The following WWOX variants were observed in gnomAD, a reference collection of about 807,000 sequenced individuals.
WWOX encodes WW domain-containing oxidoreductase.
WWOX carries 69 observed loss-of-function variants against 46.2 expected under a neutral mutation model. That is an observed-to-expected ratio of 1.49 (90% CI 1.23 to 1.82). WWOX has a LOEUF of 1.82. Ranked by LOEUF, WWOX falls within the 40% of genes most tolerant of loss-of-function variation. The pLI, the probability that WWOX is intolerant of heterozygous loss-of-function variation, is 0.00. For missense variants in WWOX, 919 were observed against 542.6 expected (o/e 1.69, Z -6.89); for synonymous variants, 359 against 202.6 (o/e 1.77, Z -6.56).
intron 4 of WWOX, among the ~76,000 whole-genome samples, chr16:78,127,176 C>A (rs1406574217): frequency 6.6e-6 from 1 of 152,118 alleles, no homozygotes; most frequent in Non-Finnish European, 1.5e-5. Context: ...CACCTCTGTG[C>A]AATATGGACA....
intron 8 of WWOX, among the ~76,000 whole-genome samples, chr16:78,820,273 A>G (rs1416587455): frequency 6.6e-6 from 1 of 152,226 alleles, no homozygotes. Context: ...TTGCAGTACC[A>G]GAATGTCCTT....
intron 8 of WWOX, among the ~76,000 whole-genome samples, chr16:79,062,228 G>T (rs2048369152): frequency 6.6e-6 from 1 of 152,164 alleles, no homozygotes; most frequent in South Asian, 2.1e-4. Context: ...GTATCTTACA[G>T]TTTAAAACCA....
intron 8 of WWOX, among the ~76,000 whole-genome samples, chr16:78,776,726 A>T (rs1219810780): frequency 6.6e-6 from 1 of 152,170 alleles, no homozygotes; most frequent in Non-Finnish European, 1.5e-5. Flanking sequence ...CAGAAAACTT[A>T]CGATCATGGT....
rs56280651 is a variant in WWOX, at chr16:78,768,279, T to TAA, written c.1056+335547_1056+335548dup. Among the ~76,000 whole-genome samples, 438 of 91,946 alleles carry TAA rather than the reference T, an allele frequency of 4.8e-3. 3 individuals are homozygous for TAA. Among genetic ancestry groups the TAA allele is most frequent in the African/African-American group, 6.1e-3 (153 of 24,980 alleles). 60.3% of individuals were successfully genotyped at this position (91,946 alleles called of 152,430 possible). A position where few individuals can be genotyped will look rare whatever the true frequency, so the allele number is the denominator to read the frequency against. On this transcript the variant is annotated intron_variant, in intron 8 of 8. Coordinates refer to ENST00000566780, the MANE Select transcript of WWOX (RefSeq NM_016373.4). ...GCAAGCCAAAAAGTGATAGATGAGT[T>TAA]AAAAAAAAAAAAAAAAAAAAAGTTG... is the stretch of plus-strand genomic sequence containing the variant.
At chr16:78,501,825 A>G (rs532001011) in intron 8 of WWOX, among the ~76,000 whole-genome samples, 2 of 152,136 alleles carry the variant, frequency 1.3e-5, no homozygotes, top group African/African-American at 2.4e-5. Flanking sequence ...AAGTTACGTG[A>G]AACTAGCGAT....
At chr16:79,003,969 A>G (rs564862011) in intron 8 of WWOX, among the ~76,000 whole-genome samples, 5 of 152,296 alleles carry the variant, frequency 3.3e-5, no homozygotes, top group African/African-American at 1.2e-4. Flanking sequence ...CCCTTTGCCA[A>G]GAAAGTTCCC....
intron 8 of WWOX, among the ~76,000 whole-genome samples, chr16:78,724,825 A>C (rs1011273926): frequency 6.6e-6 from 1 of 152,156 alleles, no homozygotes; most frequent in Non-Finnish European, 1.5e-5. Flanking sequence ...AGTTTTTCAG[A>C]CATATCTCCA....
intron 8 of WWOX, among the ~76,000 whole-genome samples, chr16:78,602,248 T>C (rs904088720): frequency 1.3e-5 from 2 of 152,182 alleles, no homozygotes; most frequent in Non-Finnish European, 2.9e-5. Flanking sequence ...GATAGATTTT[T>C]TTTAGACAGA....
intron 5 of WWOX, among the ~76,000 whole-genome samples, chr16:78,305,157 T>A (rs1358416809): frequency 6.6e-6 from 1 of 152,098 alleles, no homozygotes; most frequent in Non-Finnish European, 1.5e-5. Context: ...GCCACACTAG[T>A]GTGTATTAGG....
chr16:78,123,442 T>TTTTTTTTTG, intron 4 of WWOX: 1 of 48,884 alleles, frequency 2.0e-5, no homozygotes, highest in South Asian at 7.6e-4. Flanking sequence ...TTTGTTTTGT[T>TTTTTTTTTG]TTTTTTTTTT....
chr16:78,454,327 A>C (rs12050949), intron 8 of WWOX, among the ~76,000 whole-genome samples: 18,285 of 150,782 alleles, frequency 0.12, 1,725 homozygotes, highest in African/African-American at 0.26. Context: ...TTTTCTGTTA[A>C]AACCCAATAC....
At chr16:79,190,637 T>G (rs193211723) in intron 8 of WWOX, among the ~76,000 whole-genome samples, 113 of 152,328 alleles carry the variant, frequency 7.4e-4, no homozygotes, top group East Asian at 1.9e-4. Flanking sequence ...AACTAGTTGG[T>G]GTTACTTAGA....
intron 8 of WWOX, among the ~76,000 whole-genome samples, chr16:78,640,264 G>A (rs1396352779): frequency 8.2e-5 from 9 of 109,398 alleles, no homozygotes; most frequent in South Asian, 6.0e-4. Context: ...TGGCTTTTGC[G>A]CCTATGGTGA....
At chr16:78,667,917 C>T (rs1370602343) in intron 8 of WWOX, among the ~76,000 whole-genome samples, 7 of 152,124 alleles carry the variant, frequency 4.6e-5, no homozygotes, top group African/African-American at 1.7e-4. Flanking sequence ...GATGTGCCCT[C>T]TGCCCCGTCA....
chr16:78,169,183 CA>C (rs1434401590), intron 5 of WWOX, among the ~76,000 whole-genome samples: 4 of 152,200 alleles, frequency 2.6e-5, no homozygotes, highest in African/African-American at 9.7e-5. Context: ...CCTCTTAAGA[CA>C]AGCACCTATC....
intron 8 of WWOX, among the ~76,000 whole-genome samples, chr16:78,946,626 C>T (rs1280920127): frequency 2.0e-5 from 3 of 152,104 alleles, no homozygotes; most frequent in African/African-American, 7.2e-5. Flanking sequence ...TGTCTTCATC[C>T]TAGGGCACAG....
chr16:79,133,908 G>T (rs545793584), intron 8 of WWOX, among the ~76,000 whole-genome samples: 1 of 152,278 alleles, frequency 6.6e-6, no homozygotes, highest in South Asian at 2.1e-4. Flanking sequence ...GGGGGCATTT[G>T]TCAGGGAAGA....
chr16:78,193,973 G>C (rs1048250945), intron 5 of WWOX, among the ~76,000 whole-genome samples: 1 of 151,548 alleles, frequency 6.6e-6, no homozygotes, highest in African/African-American at 2.4e-5. Context: ...CGCCTCCCGG[G>C]TTCCTGCCAT....
chr16:78,155,958 T>G (rs2034582828), intron 4 of WWOX, among the ~76,000 whole-genome samples: 1 of 152,244 alleles, frequency 6.6e-6, no homozygotes, highest in South Asian at 2.1e-4. Context: ...TTGTCCTTCC[T>G]GTTAAACTAT....
Sources: allele counts gnomAD v4.1 joint callset (sites outside exome capture counted in the v4.1 genomes callset), GRCh38; gene constraint gnomAD v4.1.1; transcripts MANE v1.5; gene names NCBI Gene and HGNC (gene_info 2026-07-23, HGNC 2026-07-21).